SRRD: variants seen among roughly 807,000 people sequenced by gnomAD.
SRRD encodes SRR1 domain containing.
Under a neutral mutation model 30.7 loss-of-function variants are expected in SRRD, and 28 were observed. The ratio of observed to expected loss-of-function variants is 0.91; its 90% confidence interval spans 0.68 to 1.25. The LOEUF is 1.25. SRRD is among the 50% of genes most tolerant of loss of function. The probability of loss-of-function intolerance (pLI) is 0.00; values close to 1 mark genes in which losing one functional copy is unlikely to be tolerated. For synonymous variants in SRRD, 161 were observed against 159.6 expected (o/e 1.01, Z -0.07); for missense variants, 415 against 417.3 (o/e 0.99, Z 0.05).
At chr22:26,491,188 G>C in intron 6 of SRRD, 118 bp downstream of exon 6, 1 of 1,042,154 alleles carries the variant, frequency 9.6e-7, no homozygotes, top group South Asian at 1.4e-5. Context: ...TGTACTGTCA[G>C]CTCTCTCCAT....
intron 5 of SRRD, among the ~76,000 whole-genome samples, chr22:26,490,524 T>C (rs923426613): frequency 2.6e-4 from 37 of 143,918 alleles, no homozygotes; most frequent in Middle Eastern, 7.3e-3. Flanking sequence ...CAGTCATTTC[T>C]CTTGATGAAA....
At chr22:26,484,555 T>A (rs1274689528) in intron 1 of SRRD, among the ~76,000 whole-genome samples, 1 of 152,242 alleles carries the variant, frequency 6.6e-6, no homozygotes, top group Non-Finnish European at 1.5e-5. Context: ...AGCTGCTATG[T>A]GCCTGACATT....
chr22:26,490,676 A>C (rs1287115269), intron 5 of SRRD: 1 of 238,740 alleles, frequency 4.2e-6, no homozygotes, highest in African/African-American at 2.4e-5. Context: ...CGATACTCCT[A>C]CCTCAGCCTA....
rs1197006462 is a variant in SRRD at position 26,490,048 on chromosome 22, G to A, written c.614G>A (p.Gly205Glu). Residue 205 changes from glycine (G) to glutamate (E), a missense_variant, in exon 5 of 7, where the codon GGG (glycine) becomes GAG (glutamate). Transcript: ENST00000215917. ...GVTVLSENEE[G>E]KRSIRGEPTI... ...CTGTGAATATCGTATCCCCAGGAAGGGAAACGGAGTATTCGCGGGGAGCCT... is the reference window on the plus strand; with the variant it reads ...CTGTGAATATCGTATCCCCAGGAAGAGAAACGGAGTATTCGCGGGGAGCCT... The A allele has an allele frequency of 6.2e-7, 1 of 1,613,948 alleles. No individual in the cohort carries two copies. The highest frequency in any genetic ancestry group is 1.7e-5 in the Admixed American group (1 of 60,012).
chr22:26,485,746 C>T (rs1472979218), intron 1 of SRRD, among the ~76,000 whole-genome samples: 1 of 152,168 alleles, frequency 6.6e-6, no homozygotes, highest in Non-Finnish European at 1.5e-5. Context: ...CAATTCTATG[C>T]TAGGCTCTGT....
At position 26,488,228 on chromosome 22, in the gene SRRD, C is replaced by T. The variant is rs772975735; in HGVS notation, c.450C>T (p.Ala150=). ...TGTGTTACGGCATTGGGAACTTTGC[C>T]ACCTGCATCGTAGCTAGAAACCAGC... ...KCVCYGIGNF[A]TCIVARNQLT... The change falls in exon 3 of 7, where the codon GCC becomes GCT. Residue 150 remains alanine (A), a synonymous_variant. Transcript: ENST00000215917. 1 of 1,614,200 alleles carries T rather than the reference C, an allele frequency of 6.2e-7. No homozygotes were observed. Among genetic ancestry groups the T allele is most frequent in the Non-Finnish European group, 8.5e-7 (1 of 1,180,034 alleles).
intron 1 of SRRD, among the ~76,000 whole-genome samples, chr22:26,484,339 C>CA (rs983973631): frequency 3.3e-5 from 5 of 152,120 alleles, no homozygotes; most frequent in African/African-American, 1.2e-4. Context: ...CTCTGTGCCT[C>CA]AGTTTTCTCA....
chr22:26,485,415 TG>T (rs2091686351), intron 1 of SRRD, among the ~76,000 whole-genome samples: 1 of 152,258 alleles, frequency 6.6e-6, no homozygotes, highest in Admixed American at 6.5e-5. Context: ...TCTCTGGCTG[TG>T]GCTTGTCAGT....
intron 4 of SRRD, among the ~76,000 whole-genome samples, chr22:26,488,723 C>T (rs527248488): frequency 6.6e-6 from 1 of 152,356 alleles, no homozygotes; most frequent in African/African-American, 2.4e-5. Context: ...CATGTTAGGT[C>T]TGCACCACTT....
Position 26,491,538 on chromosome 22 carries a change from C to T in SRRD, c.886C>T (p.His296Tyr). The T allele has an allele frequency of 1.2e-6, 2 of 1,614,096 alleles. No individual in the cohort carries two copies. The highest frequency in any genetic ancestry group is 1.7e-6 in the Non-Finnish European group (2 of 1,179,980). The change falls in exon 7 of 7, where the codon CAC becomes TAC. Residue 296 changes from histidine (H) to tyrosine (Y), a missense_variant. Coordinates refer to ENST00000215917, the MANE Select transcript of SRRD (RefSeq NM_001013694.3). The part of the protein sequence containing the change: ...YMDIFNDTSV[H>Y]WFPVQKLEQL... ...GGACATATTTAATGATACCTCTGTC[C>T]ACTGGTTCCCTGTGCAAAAGCTAGA...
chr22:26,488,593 T>G lies in SRRD; in HGVS notation c.609+105T>G, dbSNP rs968678594. On this transcript the variant is annotated intron_variant, in intron 4 of 6. Transcript: ENST00000215917. ...CATTCTTTGCAGTGGCAGCCATTCC[T>G]CTCTTACCGCCTGCTCACTTTTGTA... The G allele has an allele frequency of 1.3e-5, 11 of 835,328 alleles. No homozygotes were observed. The African/African-American group carries it at 1.3e-4, about 10-fold the overall frequency. 51.7% of individuals were successfully genotyped at this position (835,328 alleles called of 1,614,324 possible).
chr22:26,491,978 G>C lies in SRRD; in HGVS notation c.*306G>C, dbSNP rs1167879302. ...TTATTTACAGTACATCCCTCTTAGG[G>C]GCAAGTCTCTGACTGGTTCTGGACC... On this transcript the variant is annotated 3_prime_UTR_variant, in exon 7 of 7. Transcript: ENST00000215917. The C allele has an allele frequency of 1.3e-6, 2 of 1,544,380 alleles. No homozygotes were observed. The highest frequency in any genetic ancestry group is 2.4e-5 in the South Asian group (2 of 84,474).
intron 2 of SRRD, among the ~76,000 whole-genome samples, chr22:26,486,913 G>A (rs2091712739): frequency 7.0e-6 from 1 of 142,020 alleles, no homozygotes; most frequent in African/African-American, 2.6e-5. Context: ...TGTCTTTGCT[G>A]CTTTTTTTTT....
chr22:26,489,945 T>C (rs1364667795), intron 4 of SRRD, 99 bp from the exon 5 acceptor site: 1 of 1,370,444 alleles, frequency 7.3e-7, no homozygotes. Context: ...TTTGATCCTT[T>C]AGTTTGTCTC....
rs775641346 is a variant in SRRD at position 26,491,678 on chromosome 22, T to C, written c.*6T>C. 5.6e-6 allele frequency: 9 copies of C among 1,606,840 alleles called. No individual in the cohort carries two copies. Among genetic ancestry groups the C allele is most frequent in the South Asian group, 5.5e-5 (5 of 91,044 alleles). On this transcript the variant is annotated 3_prime_UTR_variant, in exon 7 of 7. Transcript: ENST00000215917. ...ATCCTTCTGCTACTGACTGAACTCGTTGTGAGGTACTCAGTGTTGGCTGAG... is the reference window on the plus strand; with the variant it reads ...ATCCTTCTGCTACTGACTGAACTCGCTGTGAGGTACTCAGTGTTGGCTGAG...
intron 2 of SRRD, among the ~76,000 whole-genome samples, chr22:26,486,361 C>T (rs1277691717): frequency 2.0e-5 from 3 of 152,172 alleles, no homozygotes; most frequent in African/African-American, 7.2e-5. Context: ...TTATCCTGTT[C>T]CTTTTCCATG....
rs146441256 is a variant in SRRD at position 26,488,300 on chromosome 22, G to C, written c.510+12G>C. 221 of 1,612,896 alleles carry C rather than the reference G, an allele frequency of 1.4e-4. No homozygotes were observed. In the African/African-American group the frequency reaches 2.3e-3, roughly 17 times the overall value. ...TGGAAAAGTGCCAGGTACATTTTTG[G>C]ATTCATTTTCATCTCCTCCTCCTCT... On this transcript the variant is annotated intron_variant, in intron 3 of 6. Transcript: ENST00000215917.
At chr22:26,491,320 C>T in intron 6 of SRRD, 143 bp from the exon 7 acceptor site, 1 of 775,752 alleles carries the variant, frequency 1.3e-6, no homozygotes, top group Non-Finnish European at 2.1e-6. Flanking sequence ...ATTCATTGTG[C>T]AAAAGCATTT....
At position 26,486,066 on chromosome 22, in the gene SRRD, G is replaced by A. The variant is rs2091706659; in HGVS notation, c.250+3G>A. 1 of 1,614,082 alleles carries A rather than the reference G, an allele frequency of 6.2e-7. No individual in the cohort carries two copies. Among genetic ancestry groups the A allele is most frequent in the South Asian group, 1.1e-5 (1 of 91,090 alleles). ...TGATTTCTGGAGTTCAGCACTAGGTGGGTACCACTTGGCCAATGGTAGGGA... is the reference window on the plus strand; with the variant it reads ...TGATTTCTGGAGTTCAGCACTAGGTAGGTACCACTTGGCCAATGGTAGGGA... On this transcript the variant is annotated splice_donor_region_variant and intron_variant, in intron 2 of 6. Transcript: ENST00000215917.
Sources: gnomAD v4.1 joint callset for allele counts (sites outside exome capture counted in the v4.1 genomes callset) on GRCh38, gnomAD v4.1.1 for gene constraint, MANE v1.5 for transcripts, NCBI Gene and HGNC (gene_info 2026-07-23, HGNC 2026-07-21) for gene names.